Variants in APBB2 observed in about 807,000 individuals in gnomAD.
APBB2 encodes the protein amyloid beta precursor protein binding family B member 2.
A neutral mutation model predicts 82.5 loss-of-function variants in APBB2; 38 were observed. That is an observed-to-expected ratio of 0.46 (90% CI 0.36 to 0.60). The LOEUF is 0.60. Ranked by LOEUF, APBB2 falls within the 20% of genes least tolerant of loss-of-function variation. The pLI, the probability that APBB2 is intolerant of heterozygous loss-of-function variation, is 0.00. For missense variants in APBB2, 772 were observed against 972.3 expected (o/e 0.79, Z 2.74); for synonymous variants, 341 against 368.2 (o/e 0.93, Z 0.85).
intron 6 of APBB2, chr4:40,990,227 A>C (rs1252007532): frequency 1.3e-5 from 2 of 152,214 alleles, no homozygotes; most frequent in Non-Finnish European, 2.9e-5. Context: ...AGGTCTAGTT[A>C]GAACTTGGAT....
chr4:41,052,950 T>A (rs59838957), intron 4 of APBB2, among the ~76,000 whole-genome samples: 13,629 of 151,952 alleles, frequency 0.09, 2,014 homozygotes, highest in African/African-American at 0.31. Flanking sequence ...TTTTTGGTAG[T>A]GACGGGGTTT....
intron 2 of APBB2, among the ~76,000 whole-genome samples, chr4:41,136,574 G>A (rs1413435600): frequency 6.6e-6 from 1 of 152,196 alleles, no homozygotes; most frequent in Non-Finnish European, 1.5e-5. Flanking sequence ...AGGTTGAAAT[G>A]AGAAGATTAC....
intron 10 of APBB2, among the ~76,000 whole-genome samples, chr4:40,915,438 G>A (rs79691989): frequency 0.028 from 4,267 of 152,264 alleles, 197 homozygotes; most frequent in African/African-American, 0.09. Flanking sequence ...GCCCCGGAGC[G>A]CAGAGCCTGA....
chr4:41,145,527 G>A (rs371942304), intron 1 of APBB2, among the ~76,000 whole-genome samples: 4 of 152,120 alleles, frequency 2.6e-5, no homozygotes, highest in African/African-American at 7.2e-5. Context: ...AAAATGAAAC[G>A]CATGCAGGAG....
At chr4:40,847,416 C>T (rs1035945849) in intron 12 of APBB2, among the ~76,000 whole-genome samples, 1 of 152,186 alleles carries the variant, frequency 6.6e-6, no homozygotes, top group Non-Finnish European at 1.5e-5. Flanking sequence ...GAGCTGAGAT[C>T]GTGCCTCTGC....
Position 41,001,877 on chromosome 4 carries a change from CAA to C in APBB2, c.835+11704_835+11705del, listed in dbSNP as rs548069823. The stretch of plus-strand genomic sequence containing the variant: ...TGGGTGACAGAGTGAGACTCCGCCT[CAA>C]AAAAAAAAAAAGAAAAAGAAAAAGA... On this transcript the variant is annotated intron_variant, in intron 6 of 17. Coordinates refer to ENST00000508593, the MANE Select transcript of APBB2 (RefSeq NM_004307.2). 1.4e-4 allele frequency among the ~76,000 whole-genome samples: 16 copies of C among 117,782 alleles called. 1 individual carries two copies. The highest frequency in any genetic ancestry group is 2.8e-4 in the Admixed American group (3 of 10,768). 77.3% of individuals were successfully genotyped at this position (117,782 alleles called of 152,430 possible). A position where few individuals can be genotyped will look rare whatever the true frequency, so the allele number is the denominator to read the frequency against.
rs58562872 is a variant in APBB2 at position 40,835,770 on chromosome 4, C to T, written c.1530-5193G>A. On this transcript the variant is annotated intron_variant, in intron 12 of 17. Transcript: ENST00000508593. ...GGAAGGGGACTGCTGGGGGCCACTG[C>T]GGTGGTCCAGCGCAGGGGGATGAGC... is the stretch of plus-strand genomic sequence containing the variant. Among the ~76,000 whole-genome samples the T allele has an allele frequency of 1.4e-3, 212 of 152,292 alleles. 1 individual carries two copies. The East Asian group carries it at 0.022, about 16-fold the overall frequency.
At chr4:41,099,347 G>C (rs953506270) in intron 3 of APBB2, among the ~76,000 whole-genome samples, 9 of 152,194 alleles carry the variant, frequency 5.9e-5, no homozygotes, top group African/African-American at 1.9e-4. Flanking sequence ...TCCTGCCTCA[G>C]GCTTCCGAGT....
chr4:40,982,274 GAAAGAAA>G, intron 6 of APBB2, among the ~76,000 whole-genome samples: 1 of 29,218 alleles, frequency 3.4e-5, no homozygotes, highest in South Asian at 1.3e-3. Flanking sequence ...AAGAAAGAAA[GAAAGAAA>G]GAAGGAAGGA....
At chr4:40,829,639 C>T (rs907779399) in intron 13 of APBB2, among the ~76,000 whole-genome samples, 11 of 151,886 alleles carry the variant, frequency 7.2e-5, no homozygotes, top group African/African-American at 2.2e-4. Flanking sequence ...ATAGAACCTC[C>T]TCCTGAAAAG....
At chr4:41,051,414 C>T (rs901605575) in intron 4 of APBB2, among the ~76,000 whole-genome samples, 3 of 152,222 alleles carry the variant, frequency 2.0e-5, no homozygotes, top group African/African-American at 7.2e-5. Context: ...AACCACTGCA[C>T]TAGTTGGTCA....
intron 2 of APBB2, among the ~76,000 whole-genome samples, chr4:41,108,477 T>G (rs923379592): frequency 1.3e-5 from 2 of 152,056 alleles, no homozygotes; most frequent in African/African-American, 4.8e-5. Flanking sequence ...AGGATGACAG[T>G]GGGTAAAAAT....
intron 5 of APBB2, among the ~76,000 whole-genome samples, chr4:41,026,846 T>TG (rs1714465830): frequency 6.6e-6 from 1 of 152,050 alleles, no homozygotes; most frequent in African/African-American, 2.4e-5. Context: ...TAGCTTTTTT[T>TG]GATAAACATA....
At chr4:41,132,712 C>T (rs1176271596) in intron 2 of APBB2, among the ~76,000 whole-genome samples, 1 of 152,148 alleles carries the variant, frequency 6.6e-6, no homozygotes, top group African/African-American at 2.4e-5. Context: ...AATTAATAAG[C>T]TTTCCTGAGA....
At chr4:40,982,226 G>GA (rs1255275073) in intron 6 of APBB2, among the ~76,000 whole-genome samples, 970 of 5,516 alleles carry the variant, frequency 0.18, 93 homozygotes, top group East Asian at 0.24. Context: ...AGAAAGGAAA[G>GA]AAAGAAAGAA....
chr4:41,211,083 C>G (rs1779205381), intron 1 of APBB2, among the ~76,000 whole-genome samples: 1 of 152,018 alleles, frequency 6.6e-6, no homozygotes, highest in Non-Finnish European at 1.5e-5. Flanking sequence ...GGTGAAACCC[C>G]ATTTCTACTA....
chr4:41,214,139 G>A (rs1288530295), intron 1 of APBB2, among the ~76,000 whole-genome samples: 2 of 152,198 alleles, frequency 1.3e-5, no homozygotes, highest in African/African-American at 4.8e-5. Context: ...CAGTCGCCGT[G>A]CCACTGGCCC....
intron 6 of APBB2, among the ~76,000 whole-genome samples, chr4:40,996,189 G>C (rs1051902081): frequency 6.6e-6 from 1 of 152,202 alleles, no homozygotes; most frequent in Non-Finnish European, 1.5e-5. Context: ...CTGTATTTGA[G>C]AGTTCATTGG....
At chr4:41,150,461 G>A (rs1194783988) in intron 1 of APBB2, among the ~76,000 whole-genome samples, 1 of 152,180 alleles carries the variant, frequency 6.6e-6, no homozygotes, top group African/African-American at 2.4e-5. Flanking sequence ...TATTGCCAAA[G>A]CTAACACCTT....
Sources: allele counts gnomAD v4.1 joint callset (sites outside exome capture counted in the v4.1 genomes callset), GRCh38; gene constraint gnomAD v4.1.1; transcripts MANE v1.5; gene names NCBI Gene and HGNC (gene_info 2026-07-23, HGNC 2026-07-21).